Variants in BACH2 observed in about 807,000 individuals in gnomAD.
BACH2 encodes the protein transcription regulator protein BACH2.
A neutral mutation model predicts 61.8 loss-of-function variants in BACH2; 5 were observed. The ratio of observed to expected loss-of-function variants is 0.08; its 90% CI spans 0.04 to 0.17. The LOEUF is 0.17. BACH2 is among the 10% of genes least tolerant of loss of function. BACH2 has a pLI of 1.00. For synonymous variants in BACH2, 446 were observed against 440.1 expected (o/e 1.01, Z -0.17); for missense variants, 824 against 1,091.1 (o/e 0.76, Z 3.45).
At chr6:90,273,426 GT>G (rs1475048236) in intron 1 of BACH2, among the ~76,000 whole-genome samples, 5 of 152,152 alleles carry the variant, frequency 3.3e-5, no homozygotes, top group African/African-American at 1.2e-4. Context: ...GATAAGAATA[GT>G]TAAAAGGTGT....
chr6:89,947,208 C>G (rs1175595332), intron 7 of BACH2, among the ~76,000 whole-genome samples: 4 of 152,106 alleles, frequency 2.6e-5, no homozygotes, highest in African/African-American at 9.7e-5. Flanking sequence ...CAGAATTAGC[C>G]CAATAGATGC....
chr6:90,006,354 G>A (rs577577924), intron 6 of BACH2, among the ~76,000 whole-genome samples: 114 of 152,236 alleles, frequency 7.5e-4, no homozygotes, highest in African/African-American at 2.4e-3. Flanking sequence ...CCCCAACAGC[G>A]CAGTTAAGGA....
chr6:90,059,247 G>C (rs1210077074), intron 5 of BACH2, among the ~76,000 whole-genome samples: 2 of 152,224 alleles, frequency 1.3e-5, no homozygotes, highest in Non-Finnish European at 2.9e-5. Flanking sequence ...CTAATATCCA[G>C]AATCTACAAT....
chr6:90,006,885 C>A (rs1165648490), intron 6 of BACH2, among the ~76,000 whole-genome samples: 2 of 152,024 alleles, frequency 1.3e-5, no homozygotes, highest in African/African-American at 4.8e-5. Context: ...CCTGAAGTAC[C>A]AGGATGACAG....
At chr6:90,120,709 G>C (rs952999789) in intron 4 of BACH2, among the ~76,000 whole-genome samples, 1 of 152,120 alleles carries the variant, frequency 6.6e-6, no homozygotes, top group Non-Finnish European at 1.5e-5. Context: ...TAACCAATGG[G>C]CCCTAATCAA....
intron 3 of BACH2, among the ~76,000 whole-genome samples, chr6:90,212,226 G>C (rs919635693): frequency 1.3e-5 from 2 of 148,602 alleles, no homozygotes; most frequent in South Asian, 2.2e-4. Flanking sequence ...ATTACAGAAA[G>C]CTAATCCCTC....
chr6:89,988,655 G>A (rs1187843556), intron 6 of BACH2, among the ~76,000 whole-genome samples: 2 of 152,200 alleles, frequency 1.3e-5, no homozygotes, highest in African/African-American at 2.4e-5. Flanking sequence ...ATAAGGAGAG[G>A]AGGGTGAAGA....
chr6:90,033,145 C>T lies in BACH2; in HGVS notation c.-12-24289G>A, dbSNP rs150318885. 3.2e-4 allele frequency among the ~76,000 whole-genome samples: 49 copies of T among 151,048 alleles called. 1 individual carries two copies. Among genetic ancestry groups the T allele is most frequent in the Middle Eastern group, 3.4e-3 (1 of 292 alleles). ...CGCTGCATGTTCTCACTCATAGGTGCGAATTGAACAATGAGAACATATGGA... is the reference window on the plus strand; with the variant it reads ...CGCTGCATGTTCTCACTCATAGGTGTGAATTGAACAATGAGAACATATGGA... On this transcript the variant is annotated intron_variant, in intron 5 of 8. Transcript: ENST00000257749.
At chr6:90,103,019 ATATATATATATT>A (rs1458860379) in intron 4 of BACH2, among the ~76,000 whole-genome samples, 30 of 32,782 alleles carry the variant, frequency 9.2e-4, no homozygotes, top group South Asian at 6.0e-3. Flanking sequence ...ATATATATAT[ATATATATATATT>A]TTTTTTTTTT....
chr6:90,175,164 C>T (rs1767945850), intron 4 of BACH2, among the ~76,000 whole-genome samples: 1 of 152,156 alleles, frequency 6.6e-6, no homozygotes, highest in South Asian at 2.1e-4. Context: ...CCTGAGTGAA[C>T]TTTGTTAGAA....
chr6:90,186,803 G>C (rs1768373131), intron 4 of BACH2, among the ~76,000 whole-genome samples: 1 of 152,122 alleles, frequency 6.6e-6, no homozygotes, highest in African/African-American at 2.4e-5. Context: ...ATTTCTATCA[G>C]TATTTTACAG....
chr6:90,062,749 T>A (rs573702907), intron 5 of BACH2: 1 of 177,134 alleles, frequency 5.6e-6, no homozygotes, highest in East Asian at 2.1e-4. Flanking sequence ...CTCTTTCCCT[T>A]CTCTCCAACT....
Position 90,271,910 on chromosome 6 carries a change from T to C in BACH2, c.-414A>G, listed in dbSNP as rs1214341917. On this transcript the variant is annotated 5_prime_UTR_variant, in exon 2 of 9. Transcript: ENST00000257749. Reference sequence around the variant, plus strand: ...ATGATGTCTTCAGTAGGTGGCGAAATGTTAAAACTGGGAGCTATGTGAACG... The same window carrying C: ...ATGATGTCTTCAGTAGGTGGCGAAACGTTAAAACTGGGAGCTATGTGAACG... 2 of 152,346 alleles carry C rather than the reference T, an allele frequency of 1.3e-5. No individual in the cohort carries two copies. Among genetic ancestry groups the C allele is most frequent in the African/African-American group, 4.8e-5 (2 of 41,436 alleles). The allele number at this position is 152,346 out of a possible 1,614,324, so 9.4% of individuals were successfully genotyped here. A position where few individuals can be genotyped will look rare whatever the true frequency, so the allele number is the denominator to read the frequency against.
intron 1 of BACH2, among the ~76,000 whole-genome samples, chr6:90,290,436 T>C (rs1262731633): frequency 1.3e-5 from 2 of 152,246 alleles, no homozygotes; most frequent in Admixed American, 6.5e-5. Context: ...ATGCCTGCCA[T>C]GTAAGAGATA....
chr6:90,044,217 G>A (rs1056356345), intron 5 of BACH2, among the ~76,000 whole-genome samples: 1 of 152,168 alleles, frequency 6.6e-6, no homozygotes, highest in Admixed American at 6.5e-5. Flanking sequence ...GGATGTGGGC[G>A]GTGAGGTCCT....
intron 5 of BACH2, among the ~76,000 whole-genome samples, chr6:90,057,590 C>G (rs372572780): frequency 6.6e-6 from 1 of 152,050 alleles, no homozygotes; most frequent in Non-Finnish European, 1.5e-5. Context: ...TTCCAATCAA[C>G]AGAAAAAGAG....
chr6:90,195,477 C>T (rs1768726332), intron 4 of BACH2, among the ~76,000 whole-genome samples: 1 of 152,110 alleles, frequency 6.6e-6, no homozygotes, highest in Non-Finnish European at 1.5e-5. Context: ...TTTCCTGTTC[C>T]TCTGGAGATC....
chr6:89,976,766 C>G (rs1469821722), intron 6 of BACH2, among the ~76,000 whole-genome samples: 1 of 152,144 alleles, frequency 6.6e-6, no homozygotes, highest in Non-Finnish European at 1.5e-5. Context: ...AGAGAAAAAA[C>G]TCATGGTACT....
intron 5 of BACH2, among the ~76,000 whole-genome samples, chr6:90,060,494 C>T (rs1295666929): frequency 6.6e-6 from 1 of 151,916 alleles, no homozygotes; most frequent in Non-Finnish European, 1.5e-5. Context: ...TCAGAAGTGC[C>T]TGGTGATTGT....
Sources: allele counts gnomAD v4.1 joint callset (sites outside exome capture counted in the v4.1 genomes callset), GRCh38; gene constraint gnomAD v4.1.1; transcripts MANE v1.5; gene names NCBI Gene and HGNC (gene_info 2026-07-23, HGNC 2026-07-21).